The following C12orf42 variants were observed in gnomAD, a reference collection of about 807,000 sequenced individuals.
C12orf42 encodes the protein chromosome 12 open reading frame 42.
A neutral mutation model predicts 21.6 loss-of-function variants in C12orf42; 25 were observed. The ratio of observed to expected loss-of-function variants is 1.16; its 90% CI spans 0.84 to 1.62. The LOEUF is 1.62. C12orf42 is among the 40% of genes most tolerant of loss of function. The probability of loss-of-function intolerance (pLI) is 0.00; values close to 1 mark genes in which losing one functional copy is unlikely to be tolerated. For synonymous variants in C12orf42, 174 were observed against 175.0 expected (o/e 0.99, Z 0.05); for missense variants, 483 against 459.3 (o/e 1.05, Z -0.47).
At chr12:103,136,178 C>A in the C12orf42 span, among the ~76,000 whole-genome samples, 7 of 152,098 alleles carry the variant, frequency 4.6e-5, no homozygotes, top group Admixed American at 1.3e-4. Flanking sequence ...CCTCTTAGGT[C>A]TGATAATAAA....
At chr12:103,538,812 T>C in the C12orf42 span, among the ~76,000 whole-genome samples, 4 of 151,394 alleles carry the variant, frequency 2.6e-5, no homozygotes, top group African/African-American at 7.3e-5. Context: ...ATACCTAGAG[T>C]GGTTTCTGTT....
the C12orf42 span, among the ~76,000 whole-genome samples, chr12:103,092,475 T>A: frequency 2.0e-5 from 3 of 152,186 alleles, no homozygotes; most frequent in Non-Finnish European, 4.4e-5. Flanking sequence ...GAGGTCTAAG[T>A]TAACAGACCT....
Position 103,306,172 on chromosome 12 carries a change from T to C in C12orf42, c.433A>G (p.Thr145Ala), listed in dbSNP as rs756311422. Reference protein sequence around the residue: ...SETDEAPLIFTARGETEERAR... With the variant: ...SETDEAPLIFAARGETEERAR... ...CTCTCCTCAGTTTCTCCTCTGGCAG[T>C]AAAAATCAATGGGGCCTCATCAGTT... is the stretch of plus-strand genomic sequence containing the variant. The change falls in exon 5 of 6, where the codon ACT becomes GCT. Residue 145 changes from threonine to alanine, a missense_variant. By Grantham distance (58) the Thr-to-Ala change is moderately conservative. Coordinates refer to ENST00000548883, the MANE Select transcript of C12orf42 (RefSeq NM_198521.5). 3.7e-6 allele frequency: 6 copies of C among 1,613,930 alleles called. No homozygotes were observed. The Admixed American group carries it at 8.3e-5, about 22-fold the overall frequency.
Position 103,451,946 on chromosome 12 carries a change from G to A in C12orf42, c.78+26403C>T, listed in dbSNP as rs1288566845. The stretch of plus-strand genomic sequence containing the variant: ...TTTCTAGGTACCAATTTTTCCATCA[G>A]GTGACTATGGCTATGTAACAAACCA... On this transcript the variant is annotated intron_variant, in intron 2 of 5. Coordinates refer to ENST00000548883, the MANE Select transcript of C12orf42 (RefSeq NM_198521.5). Among the ~76,000 whole-genome samples the A allele has an allele frequency of 2.6e-5, 4 of 151,960 alleles. No individual in the cohort carries two copies. The East Asian group carries it at 7.8e-4, about 29-fold the overall frequency.
intron 4 of C12orf42, among the ~76,000 whole-genome samples, chr12:103,319,359 C>A: frequency 6.6e-6 from 1 of 152,010 alleles, no homozygotes; most frequent in East Asian, 1.9e-4. Context: ...GAAAGAGTCA[C>A]ACAGGGAGTC....
chr12:103,312,350 A>G (rs1046192980), intron 4 of C12orf42, among the ~76,000 whole-genome samples: 1 of 152,210 alleles, frequency 6.6e-6, no homozygotes, highest in Non-Finnish European at 1.5e-5. Context: ...TCATGGTGCT[A>G]ACAGCTAACA....
chr12:103,386,445 T>C (rs1478052152), intron 3 of C12orf42, among the ~76,000 whole-genome samples: 1 of 152,120 alleles, frequency 6.6e-6, no homozygotes, highest in Non-Finnish European at 1.5e-5. Context: ...CATGGACTTA[T>C]CTCTGCTCTC....
chr12:103,360,440 C>A (rs1389654162), intron 4 of C12orf42, among the ~76,000 whole-genome samples: 2 of 151,940 alleles, frequency 1.3e-5, no homozygotes, highest in African/African-American at 4.8e-5. Context: ...TCCTCAATCC[C>A]AGCATGCCTA....
intron 4 of C12orf42, among the ~76,000 whole-genome samples, chr12:103,365,874 T>C (rs1275133198): frequency 6.6e-6 from 1 of 152,036 alleles, no homozygotes; most frequent in African/African-American, 2.4e-5. Context: ...ATGGGCAGAA[T>C]CAATGCTGTG....
chr12:103,376,601 T>C (rs538316100), intron 3 of C12orf42, among the ~76,000 whole-genome samples: 33 of 152,312 alleles, frequency 2.2e-4, no homozygotes, highest in Admixed American at 1.6e-3. Flanking sequence ...CCCTGTCTTT[T>C]AGCATCAAAA....
At chr12:103,504,809 A>T in the C12orf42 span, 1 of 153,830 alleles carries the variant, frequency 6.5e-6, no homozygotes, top group African/African-American at 2.4e-5. Context: ...GTTTCTGATG[A>T]CTATCATATG....
At chr12:103,472,710 C>T (rs962331661) in intron 2 of C12orf42, among the ~76,000 whole-genome samples, 1 of 152,050 alleles carries the variant, frequency 6.6e-6, no homozygotes, top group Non-Finnish European at 1.5e-5. Context: ...CAAGACAGCA[C>T]TGGAGATGGA....
the C12orf42 span, among the ~76,000 whole-genome samples, chr12:103,123,361 G>A: frequency 1.3e-5 from 2 of 152,154 alleles, no homozygotes; most frequent in African/African-American, 4.8e-5. Context: ...AGCTTTAGGA[G>A]ATGGCAGGAA....
At chr12:103,430,302 G>A (rs1195777760) in intron 2 of C12orf42, among the ~76,000 whole-genome samples, 1 of 152,160 alleles carries the variant, frequency 6.6e-6, no homozygotes, top group Middle Eastern at 3.2e-3. Flanking sequence ...AGTGGGCAAA[G>A]GATATGAACA....
chr12:103,426,555 A>C (rs1252686047), intron 2 of C12orf42, among the ~76,000 whole-genome samples: 2 of 152,244 alleles, frequency 1.3e-5, no homozygotes, highest in Non-Finnish European at 2.9e-5. Context: ...ATTATCCAGA[A>C]GAACTTCCCC....
At chr12:103,457,358 T>C (rs1025246637) in intron 2 of C12orf42, among the ~76,000 whole-genome samples, 2 of 152,206 alleles carry the variant, frequency 1.3e-5, no homozygotes, top group African/African-American at 4.8e-5. Flanking sequence ...TGTGTTTCTC[T>C]TGGAAATTAA....
intron 2 of C12orf42, among the ~76,000 whole-genome samples, chr12:103,416,090 A>C (rs1177949558): frequency 1.3e-5 from 2 of 151,256 alleles, no homozygotes; most frequent in Non-Finnish European, 1.5e-5. Context: ...ATACATGTGC[A>C]ACTTGTGCAA....
chr12:103,496,769 T>TC (rs199700364), upstream of C12orf42, among the ~76,000 whole-genome samples: 2 of 70,378 alleles, frequency 2.8e-5, no homozygotes, highest in Admixed American at 1.7e-4. Flanking sequence ...ATGGACACCC[T>TC]CCCCACCACC....
chr12:103,296,908 G>T (rs946904731), intron 4 of C12orf42, among the ~76,000 whole-genome samples: 13 of 152,220 alleles, frequency 8.5e-5, no homozygotes, highest in Non-Finnish European at 1.3e-4. Context: ...CATTGCTTTT[G>T]GTGTTTTAGA....
Sources: gnomAD v4.1 joint callset for allele counts (sites outside exome capture counted in the v4.1 genomes callset) on GRCh38, gnomAD v4.1.1 for gene constraint, MANE v1.5 for transcripts, NCBI Gene and HGNC (gene_info 2026-07-23, HGNC 2026-07-21) for gene names.